KLF17: variants seen among roughly 807,000 people sequenced by gnomAD.
KLF17 encodes KLF transcription factor 17, also known as Krueppel-like factor 17.
In KLF17, 31 loss-of-function variants were observed where a neutral mutation model predicts 34.2. The observed-to-expected ratio is 0.91, with a 90% CI of 0.68 to 1.22. KLF17 has a LOEUF of 1.22. Ranked by LOEUF, KLF17 falls within the 50% of genes most tolerant of loss-of-function variation. KLF17 has a pLI of 0.00. For synonymous variants in KLF17, 179 were observed against 186.7 expected, an observed-to-expected ratio of 0.96 and a Z score of 0.34; for missense variants, 478 against 505.2, an observed-to-expected ratio of 0.95 and a Z score of 0.52.
chr1:44,103,574 C>A, the KLF17 span: 2 of 1,573,524 alleles, frequency 1.3e-6, no homozygotes, highest in Admixed American at 1.7e-5. Flanking sequence ...CCAGCCGGCT[C>A]TCCTCGCCCT....
the KLF17 span, among the ~76,000 whole-genome samples, chr1:44,077,217 C>T: frequency 6.5e-3 from 992 of 151,966 alleles, 14 homozygotes; most frequent in African/African-American, 0.023. Context: ...TGGTGGTGTG[C>T]GCCTGTAATC....
Position 44,129,694 on chromosome 1 carries a change from A to G in KLF17, c.423A>G (p.Pro141=), listed in dbSNP as rs1302735572. The change falls in exon 2 of 4, where the codon CCA becomes CCG. Residue 141 remains proline (P), a synonymous_variant. Coordinates refer to ENST00000372299, the MANE Select transcript of KLF17 (RefSeq NM_173484.4). ...QLMPVGEPNI[P]RVARPFGGNL... is the part of the protein sequence containing the mutation. ...TGCCCGTAGGAGAGCCCAATATTCCAAGGGTAGCCAGGCCCTTCGGTGGGA... is the reference window on the plus strand; with the variant it reads ...TGCCCGTAGGAGAGCCCAATATTCCGAGGGTAGCCAGGCCCTTCGGTGGGA... The G allele has an allele frequency of 6.2e-7, 1 of 1,614,048 alleles. No individual in the cohort carries two copies. The highest frequency in any genetic ancestry group is 1.6e-4 in the Middle Eastern group (1 of 6,062).
At chr1:44,094,455 T>G in the KLF17 span, among the ~76,000 whole-genome samples, 1 of 152,204 alleles carries the variant, frequency 6.6e-6, no homozygotes, top group Non-Finnish European at 1.5e-5. Context: ...AATGTTTTCT[T>G]TTAGTGGTTT....
chr1:44,114,811 T>C (rs980396690), upstream of KLF17: 1 of 152,242 alleles, frequency 6.6e-6, no homozygotes, highest in Non-Finnish European at 1.5e-5. Context: ...CTTTTGTTGG[T>C]TTAAGTTCTA....
chr1:44,068,658 G>A, the KLF17 span, among the ~76,000 whole-genome samples: 1 of 152,322 alleles, frequency 6.6e-6, no homozygotes, highest in East Asian at 1.9e-4. Flanking sequence ...TGGCCTCACA[G>A]GAGGGCTGGC....
the KLF17 span, among the ~76,000 whole-genome samples, chr1:44,083,941 T>C: frequency 6.6e-6 from 1 of 152,238 alleles, no homozygotes; most frequent in East Asian, 1.9e-4. Context: ...GACGCTTCTT[T>C]CCTCTGATTA....
chr1:44,059,342 C>G, the KLF17 span, among the ~76,000 whole-genome samples: 1 of 152,220 alleles, frequency 6.6e-6, no homozygotes, highest in Non-Finnish European at 1.5e-5. Context: ...AGAGGCCACT[C>G]TAAGGCCCAC....
chr1:44,065,314 C>A, the KLF17 span, among the ~76,000 whole-genome samples: 1 of 147,196 alleles, frequency 6.8e-6, no homozygotes, highest in Non-Finnish European at 1.5e-5. Context: ...ATGTTTATGA[C>A]AATTTAAGTA....
the KLF17 span, among the ~76,000 whole-genome samples, chr1:44,052,338 C>T: frequency 4.6e-5 from 7 of 152,336 alleles, no homozygotes; most frequent in Non-Finnish European, 1.0e-4. Context: ...CTTAAGCCCT[C>T]TTGGTTGAAG....
intron 1 of KLF17, among the ~76,000 whole-genome samples, chr1:44,125,498 G>C (rs1469279212): frequency 6.6e-6 from 1 of 151,976 alleles, no homozygotes; most frequent in Non-Finnish European, 1.5e-5. Flanking sequence ...TTATTTTTGA[G>C]ACGGGGTCTC....
chr1:44,109,274 T>TAG, the KLF17 span, among the ~76,000 whole-genome samples: 1 of 152,248 alleles, frequency 6.6e-6, no homozygotes, highest in African/African-American at 2.4e-5. Flanking sequence ...GATTGGTTTA[T>TAG]AGAGACCAGT....
At chr1:44,070,054 T>G in the KLF17 span, 1 of 152,226 alleles carries the variant, frequency 6.6e-6, no homozygotes, top group Non-Finnish European at 1.5e-5. Flanking sequence ...CTGGTTTTAT[T>G]GATTCATCCT....
the KLF17 span, among the ~76,000 whole-genome samples, chr1:44,065,404 G>GTTTTTT: frequency 7.0e-6 from 1 of 143,644 alleles, no homozygotes; most frequent in African/African-American, 2.7e-5. Flanking sequence ...AATAATCCTT[G>GTTTTTT]GTTTTTTTTT....
At chr1:44,084,620 C>T in the KLF17 span, among the ~76,000 whole-genome samples, 5 of 150,822 alleles carry the variant, frequency 3.3e-5, no homozygotes, top group African/African-American at 1.2e-4. Context: ...GTCAAGACTG[C>T]AGCTTGCTAT....
chr1:44,065,583 T>C, the KLF17 span, among the ~76,000 whole-genome samples: 1 of 151,884 alleles, frequency 6.6e-6, no homozygotes, highest in Non-Finnish European at 1.5e-5. Context: ...CTAATTTTTG[T>C]ATTTTTAGTA....
At chr1:44,090,174 C>T in the KLF17 span, among the ~76,000 whole-genome samples, 1 of 148,806 alleles carries the variant, frequency 6.7e-6, no homozygotes, top group African/African-American at 2.5e-5. Context: ...CTGGAAGCCT[C>T]AATTATTTAC....
At chr1:44,056,107 G>C in the KLF17 span, among the ~76,000 whole-genome samples, 1 of 152,120 alleles carries the variant, frequency 6.6e-6, no homozygotes, top group Non-Finnish European at 1.5e-5. Context: ...TTCCCTCAAG[G>C]TTTTAGAGAC....
At chr1:44,096,590 G>C in the KLF17 span, among the ~76,000 whole-genome samples, 25 of 151,776 alleles carry the variant, frequency 1.6e-4, no homozygotes, top group East Asian at 3.9e-3. Flanking sequence ...TAGTGGAGAC[G>C]AGGTTTACAC....
chr1:44,118,757 C>T (rs984225200), upstream of KLF17: 2 of 462,224 alleles, frequency 4.3e-6, no homozygotes, highest in Non-Finnish European at 7.0e-6. Context: ...CAGGGCGGGA[C>T]GGGTGGGGCC....
Sources: allele counts gnomAD v4.1 joint callset (sites outside exome capture counted in the v4.1 genomes callset), GRCh38; gene constraint gnomAD v4.1.1; transcripts MANE v1.5; gene names NCBI Gene and HGNC (gene_info 2026-07-23, HGNC 2026-07-21).